Variants in GRIK4 observed in about 807,000 individuals in gnomAD.
GRIK4 encodes glutamate receptor ionotropic, kainate 4.
A neutral mutation model predicts 104.9 loss-of-function variants in GRIK4; 40 were observed. That is an observed-to-expected ratio of 0.38 (90% confidence interval 0.30 to 0.50). The LOEUF is 0.50. GRIK4 is among the 20% of genes least tolerant of loss of function. GRIK4 has a pLI of 0.93. For missense variants in GRIK4, 1,047 were observed against 1,308.1 expected, an observed-to-expected ratio of 0.80 and a Z score of 3.08; for synonymous variants, 485 against 524.9, an observed-to-expected ratio of 0.92 and a Z score of 1.04.
At chr11:120,777,006 G>A (rs1330719338) in intron 3 of GRIK4, among the ~76,000 whole-genome samples, 3 of 152,188 alleles carry the variant, frequency 2.0e-5, no homozygotes, top group African/African-American at 7.2e-5. Context: ...AGTACCAGGA[G>A]GCAGAGGTCC....
rs539186869 is a variant in GRIK4, at chr11:120,801,316, C to A, written c.83-1377C>A. Among the ~76,000 whole-genome samples, 30 of 152,322 alleles carry A rather than the reference C, an allele frequency of 2.0e-4. No individual in the cohort carries two copies. The South Asian group carries it at 6.2e-3, about 32-fold the overall frequency. ...TCTCAGCTCACTGCAACCTCCACTT[C>A]CCGGGTTCAAGTGATTCTCCTACCT... On this transcript the variant is annotated intron_variant, in intron 3 of 20. Coordinates refer to ENST00000527524, the MANE Select transcript of GRIK4 (RefSeq NM_014619.5).
chr11:120,699,753 G>A (rs1172031066), intron 3 of GRIK4, among the ~76,000 whole-genome samples: 3 of 152,216 alleles, frequency 2.0e-5, no homozygotes, highest in African/African-American at 7.2e-5. Flanking sequence ...CTGCACACAT[G>A]TTTGGGGAAG....
At position 120,513,252 on chromosome 11, in the gene GRIK4, C is replaced by T. The variant is rs1208343219; in HGVS notation, c.-159+1365C>T. ...AAAGAACTACCTTCACTTTCACTCC[C>T]TATGGGTCACCTGGTTGGTAGTGAC... On this transcript the variant is annotated intron_variant, in intron 1 of 20. Transcript: ENST00000527524. This position sits in a 1 kb window ranked among gnomAD's most constrained non-coding sequence, Gnocchi z 4.5. Among the ~76,000 whole-genome samples the T allele has an allele frequency of 1.3e-5, 2 of 152,156 alleles. No homozygotes were observed. The highest frequency in any genetic ancestry group is 4.8e-5 in the African/African-American group (2 of 41,448).
intron 1 of GRIK4, among the ~76,000 whole-genome samples, chr11:120,605,417 C>G (rs1948947127): frequency 3.3e-5 from 5 of 152,200 alleles, no homozygotes; most frequent in Admixed American, 3.3e-4. Flanking sequence ...CCTCATTTTC[C>G]TCATCAGTTA....
intron 13 of GRIK4, among the ~76,000 whole-genome samples, chr11:120,930,871 C>T (rs1159848502): frequency 6.6e-6 from 1 of 151,976 alleles, no homozygotes; most frequent in Non-Finnish European, 1.5e-5. Flanking sequence ...AGTAGGCAGA[C>T]CATGAGGGCC....
chr11:120,780,636 A>G (rs536518046), intron 3 of GRIK4, among the ~76,000 whole-genome samples: 1 of 152,240 alleles, frequency 6.6e-6, no homozygotes, highest in Non-Finnish European at 1.5e-5. Flanking sequence ...TATTTTGGAT[A>G]TATACCCACA....
intron 9 of GRIK4, among the ~76,000 whole-genome samples, chr11:120,864,397 T>C (rs556741587): frequency 3.3e-4 from 50 of 152,098 alleles, no homozygotes; most frequent in East Asian, 2.1e-3. Flanking sequence ...CCCGCCACCG[T>C]GCCTGGCTAA....
chr11:120,571,493 G>A (rs1337592404), intron 1 of GRIK4, among the ~76,000 whole-genome samples: 1 of 152,116 alleles, frequency 6.6e-6, no homozygotes, highest in Non-Finnish European at 1.5e-5. Flanking sequence ...CTGATTGGTG[G>A]CAGGACCCTC....
At chr11:120,962,194 G>A (rs958530717) in intron 17 of GRIK4, among the ~76,000 whole-genome samples, 7 of 152,160 alleles carry the variant, frequency 4.6e-5, no homozygotes, top group Non-Finnish European at 7.3e-5. Flanking sequence ...CAAAACCAAT[G>A]ACCAAATCAG....
intron 6 of GRIK4, among the ~76,000 whole-genome samples, chr11:120,829,505 C>G (rs1445739391): frequency 1.3e-5 from 2 of 152,200 alleles, no homozygotes; most frequent in East Asian, 3.9e-4. Flanking sequence ...CCCGTCTTCT[C>G]TGCCTGGTGT....
At chr11:120,946,600 C>T (rs1943866788) in intron 14 of GRIK4, among the ~76,000 whole-genome samples, 1 of 152,210 alleles carries the variant, frequency 6.6e-6, no homozygotes, top group Middle Eastern at 3.2e-3. Flanking sequence ...TGTTGACTCA[C>T]GTCTCCTAAT....
At chr11:120,958,165 G>A (rs756214409) in intron 16 of GRIK4, among the ~76,000 whole-genome samples, 8 of 152,190 alleles carry the variant, frequency 5.3e-5, no homozygotes, top group Non-Finnish European at 8.8e-5. Context: ...TCTGGAGAGT[G>A]CCTGCTCCCA....
chr11:120,656,909 C>G (rs1038809919), intron 2 of GRIK4, among the ~76,000 whole-genome samples: 3 of 152,204 alleles, frequency 2.0e-5, no homozygotes, highest in African/African-American at 7.2e-5. Context: ...AGCAGCTTCA[C>G]TCAGTTCCTC....
intron 2 of GRIK4, among the ~76,000 whole-genome samples, chr11:120,658,727 CTTTTTTTTTTTT>C (rs71050753): frequency 1.6e-4 from 9 of 56,742 alleles, no homozygotes; most frequent in South Asian, 8.7e-4. Context: ...GAGGACGAAA[CTTTTTTTTTTTT>C]TTTTTTTTTT....
intron 13 of GRIK4, among the ~76,000 whole-genome samples, chr11:120,928,967 G>A (rs1472107057): frequency 6.8e-4 from 19 of 27,792 alleles, no homozygotes; most frequent in Non-Finnish European, 3.3e-3. Flanking sequence ...AGACGTGTGT[G>A]TGTGTGTGTG....
At chr11:120,697,990 T>G (rs908154571) in intron 3 of GRIK4, among the ~76,000 whole-genome samples, 5 of 151,482 alleles carry the variant, frequency 3.3e-5, no homozygotes, top group African/African-American at 1.2e-4. Flanking sequence ...TCTCTGGGGG[T>G]GGGGTGGCGT....
chr11:120,725,092 G>A (rs539498465), intron 3 of GRIK4, among the ~76,000 whole-genome samples: 1 of 152,148 alleles, frequency 6.6e-6, no homozygotes, highest in Non-Finnish European at 1.5e-5. Context: ...AAAACAATTA[G>A]GTATGCAGTT....
At chr11:120,871,316 CAGGGGAA>C (rs1487101956) in intron 9 of GRIK4, 1 of 278,558 alleles carries the variant, frequency 3.6e-6, no homozygotes, top group Non-Finnish European at 7.2e-6. Flanking sequence ...CACATGTGCT[CAGGGGAA>C]AGCGAGTTAC....
chr11:120,752,432 C>T (rs185368538), intron 3 of GRIK4, among the ~76,000 whole-genome samples: 27 of 152,274 alleles, frequency 1.8e-4, no homozygotes, highest in African/African-American at 6.5e-4. Flanking sequence ...CACAGCCCGC[C>T]AAGGTGGGCA....
Sources: allele counts gnomAD v4.1 joint callset (sites outside exome capture counted in the v4.1 genomes callset), GRCh38; gene constraint gnomAD v4.1.1; non-coding constraint Gnocchi (gnomAD v3.1); transcripts MANE v1.5; gene names NCBI Gene and HGNC (gene_info 2026-07-23, HGNC 2026-07-21).